The following RSRC1 variants were observed in gnomAD, a reference collection of about 807,000 sequenced individuals.
The protein encoded by RSRC1 is serine/Arginine-related protein 53.
Under a neutral mutation model 49.1 loss-of-function variants are expected in RSRC1, and 39 were observed. That is an observed-to-expected ratio of 0.79 (90% confidence interval 0.61 to 1.04). The LOEUF (loss-of-function observed/expected upper bound fraction) is 1.04. RSRC1 is among the 50% of genes least tolerant of loss of function. The pLI, the probability that RSRC1 is intolerant of heterozygous loss-of-function variation, is 0.00. For missense variants in RSRC1, 388 were observed against 402.4 expected (o/e 0.96, Z 0.31); for synonymous variants, 143 against 130.8 (o/e 1.09, Z -0.63).
At chr3:158,144,953 A>G (rs968452279) in intron 3 of RSRC1, among the ~76,000 whole-genome samples, 5 of 152,146 alleles carry the variant, frequency 3.3e-5, no homozygotes, top group Non-Finnish European at 7.3e-5. Flanking sequence ...GTGTCTGTTC[A>G]TATCCTTTGC....
chr3:158,169,799 G>T (rs1718767268), intron 3 of RSRC1, among the ~76,000 whole-genome samples: 1 of 152,082 alleles, frequency 6.6e-6, no homozygotes, highest in Non-Finnish European at 1.5e-5. Context: ...TGGGTTGACT[G>T]TTACGATATA....
chr3:158,174,764 A>T (rs1381166436), intron 3 of RSRC1, among the ~76,000 whole-genome samples: 2 of 152,032 alleles, frequency 1.3e-5, no homozygotes, highest in African/African-American at 2.4e-5. Context: ...TTAACAATGG[A>T]TATCTAGATT....
intron 5 of RSRC1, among the ~76,000 whole-genome samples, chr3:158,328,098 CA>C (rs1729283795): frequency 6.6e-6 from 1 of 152,134 alleles, no homozygotes; most frequent in Non-Finnish European, 1.5e-5. Flanking sequence ...GATCTTCCTT[CA>C]TCCCTTTATT....
intron 4 of RSRC1, 138 bp from the exon 5 acceptor site, chr3:158,297,901 G>C: frequency 1.6e-6 from 1 of 611,958 alleles, no homozygotes; most frequent in Non-Finnish European, 2.9e-6. Context: ...AAATTGTTTT[G>C]TCCTTAAAAA....
At chr3:158,381,915 T>G (rs980660404) in intron 6 of RSRC1, among the ~76,000 whole-genome samples, 6 of 152,188 alleles carry the variant, frequency 3.9e-5, no homozygotes, top group African/African-American at 1.2e-4. Flanking sequence ...ACTACAGTTA[T>G]ACTACACTAA....
At chr3:158,498,278 T>A (rs1202863727) in intron 7 of RSRC1, among the ~76,000 whole-genome samples, 1 of 151,952 alleles carries the variant, frequency 6.6e-6, no homozygotes, top group Non-Finnish European at 1.5e-5. Context: ...AAAGTAGTGT[T>A]GCACTGTGGT....
chr3:158,300,070 T>C (rs1526194), intron 5 of RSRC1, among the ~76,000 whole-genome samples: 72,404 of 152,020 alleles, frequency 0.48, 17,804 homozygotes, highest in East Asian at 0.64. Flanking sequence ...CTTCCCTATT[T>C]TTGACACTAA....
intron 6 of RSRC1, among the ~76,000 whole-genome samples, chr3:158,436,573 T>G (rs1191009630): frequency 1.3e-5 from 2 of 151,936 alleles, no homozygotes; most frequent in Non-Finnish European, 2.9e-5. Context: ...TTACATATAC[T>G]TAGTACATAT....
chr3:158,202,731 A>T (rs557990450), intron 3 of RSRC1, among the ~76,000 whole-genome samples: 2 of 151,752 alleles, frequency 1.3e-5, no homozygotes, highest in African/African-American at 4.8e-5. Context: ...TAGATAATGG[A>T]AGCAAAGATT....
At chr3:158,191,589 C>T (rs1248510903) in intron 3 of RSRC1, among the ~76,000 whole-genome samples, 1 of 151,888 alleles carries the variant, frequency 6.6e-6, no homozygotes, top group African/African-American at 2.4e-5. Flanking sequence ...TATAATAGGA[C>T]ATCTTGCTAT....
chr3:158,265,948 G>A (rs1488971464), intron 4 of RSRC1, among the ~76,000 whole-genome samples: 1 of 152,020 alleles, frequency 6.6e-6, no homozygotes, highest in Non-Finnish European at 1.5e-5. Flanking sequence ...AAAACACTTT[G>A]CCATGTTGAT....
intron 6 of RSRC1, among the ~76,000 whole-genome samples, chr3:158,446,709 A>G (rs1229243146): frequency 6.6e-6 from 1 of 152,054 alleles, no homozygotes; most frequent in East Asian, 1.9e-4. Context: ...TGATTTTTAA[A>G]TACCAGTTTT....
At chr3:158,347,230 A>G (rs1017555261) in intron 5 of RSRC1, among the ~76,000 whole-genome samples, 21 of 152,126 alleles carry the variant, frequency 1.4e-4, no homozygotes, top group African/African-American at 5.1e-4. Flanking sequence ...TCATCTTTTT[A>G]TTCTCAACTT....
At chr3:158,169,499 T>A (rs1718743040) in intron 3 of RSRC1, among the ~76,000 whole-genome samples, 1 of 152,160 alleles carries the variant, frequency 6.6e-6, no homozygotes, top group South Asian at 2.1e-4. Flanking sequence ...TTATGAGAAA[T>A]AAAGCTCTTT....
At position 158,432,890 on chromosome 3, in the gene RSRC1, CTA is replaced by C. The variant is rs147816856; in HGVS notation, c.584-28043_584-28042del. Among the ~76,000 whole-genome samples the C allele has an allele frequency of 5.7e-3, 870 of 151,782 alleles. 1 individual carries two copies. Among genetic ancestry groups the C allele is most frequent in the African/African-American group, 0.02 (821 of 41,430 alleles). Reference sequence around the variant, plus strand: ...ATATATATACACACACAGAGTGAGTCTATGTATATATACTATAGTTACTTACA... The same window carrying C: ...ATATATATACACACACAGAGTGAGTCTGTATATATACTATAGTTACTTACA... On this transcript the variant is annotated intron_variant, in intron 6 of 9. Transcript: ENST00000611884.
chr3:158,184,294 A>C (rs200523712), intron 3 of RSRC1, among the ~76,000 whole-genome samples: 3 of 147,584 alleles, frequency 2.0e-5, no homozygotes, highest in South Asian at 2.2e-4. Flanking sequence ...AAAAAAAAAA[A>C]CAAAACCTAG....
At chr3:158,268,922 G>C (rs551564780) in intron 4 of RSRC1, among the ~76,000 whole-genome samples, 1 of 152,080 alleles carries the variant, frequency 6.6e-6, no homozygotes, top group South Asian at 2.1e-4. Context: ...CTTAAACATT[G>C]AAAATATATT....
chr3:158,182,955 A>C (rs994351770), intron 3 of RSRC1, among the ~76,000 whole-genome samples: 1 of 152,244 alleles, frequency 6.6e-6, no homozygotes, highest in Middle Eastern at 3.4e-3. Flanking sequence ...CTGATTTGAT[A>C]ATTTCTAAGG....
intron 3 of RSRC1, among the ~76,000 whole-genome samples, chr3:158,188,350 TG>T (rs1578177646): frequency 6.6e-6 from 1 of 152,026 alleles, no homozygotes; most frequent in African/African-American, 2.4e-5. Flanking sequence ...TTCAGATTTC[TG>T]TATTCCTCTT....
Sources: gnomAD v4.1 joint callset for allele counts (sites outside exome capture counted in the v4.1 genomes callset) on GRCh38, gnomAD v4.1.1 for gene constraint, MANE v1.5 for transcripts, NCBI Gene and HGNC (gene_info 2026-07-23, HGNC 2026-07-21) for gene names.